The following HTD2 variants were observed in gnomAD, a reference collection of about 807,000 sequenced individuals.
The protein encoded by HTD2 is hydroxyacyl-thioester dehydratase type 2.
A neutral mutation model predicts 3.1 loss-of-function variants in HTD2; 1 was observed. That is an observed-to-expected ratio of 0.32 (90% CI 0.11 to 1.52). HTD2 has a LOEUF of 1.52. Among genes scored for constraint, HTD2 ranks in the 40% most tolerant of loss-of-function variants. The pLI is 0.39. For missense variants in HTD2, 150 were observed against 79.6 expected (o/e 1.88, Z -3.36); for synonymous variants, 50 against 28.9 (o/e 1.73, Z -2.34).
At position 58,311,775 on chromosome 3, in the gene HTD2, A is replaced by C. The variant is rs1433486119; in HGVS notation, c.-331+1184A>C. ...GATGACAGCATGAGCCACTATGCCC[A>C]GCTGCACATGTCTTTTTGAATTGAT... On this transcript the variant is annotated intron_variant, in intron 2 of 4. Coordinates refer to ENST00000461393, the MANE Select transcript of HTD2 (RefSeq NM_001348712.2). 4.6e-5 allele frequency among the ~76,000 whole-genome samples: 7 copies of C among 151,412 alleles called. No individual in the cohort carries two copies. In the East Asian group the frequency reaches 1.4e-3, roughly 29 times the overall value.
intron 4 of HTD2, 109 bp downstream of exon 4, chr3:58,317,102 T>C: frequency 1.3e-6 from 1 of 786,162 alleles, no homozygotes; most frequent in Non-Finnish European, 2.1e-6. Context: ...ATGGTTAAAA[T>C]GATCTAAGTA....
At chr3:58,317,093 T>C (rs1327051275) in intron 4 of HTD2, 100 bp downstream of exon 4, 2 of 841,084 alleles carry the variant, frequency 2.4e-6, no homozygotes, top group Non-Finnish European at 1.9e-6. Flanking sequence ...AAATGTAATA[T>C]GGTTAAAATG....
intron 1 of HTD2, among the ~76,000 whole-genome samples, chr3:58,307,201 G>A (rs2097476240): frequency 6.6e-6 from 1 of 152,164 alleles, no homozygotes; most frequent in African/African-American, 2.4e-5. Context: ...GGTGTAGAGG[G>A]AGCAGTCCTG....
chr3:58,316,626 G>A (rs1338710283), intron 3 of HTD2, 35 bp downstream of exon 3: 1 of 1,566,998 alleles, frequency 6.4e-7, no homozygotes, highest in Non-Finnish European at 8.8e-7. Flanking sequence ...TAGTATAACA[G>A]GGCAGAGAGA....
intron 4 of HTD2, 44 bp from the exon 5 acceptor site, chr3:58,317,396 G>C (rs1473971): frequency 5.2e-6 from 7 of 1,334,186 alleles, no homozygotes; most frequent in East Asian, 2.3e-5. Context: ...CTGTGCTTCA[G>C]TGTGGTTTCT....
chr3:58,312,504 G>A (rs1421538912), intron 2 of HTD2, among the ~76,000 whole-genome samples: 3 of 152,066 alleles, frequency 2.0e-5, no homozygotes, highest in African/African-American at 7.2e-5. Context: ...GATGAATTTT[G>A]TTGGGTTTAT....
chr3:58,306,695 C>G (rs960611562), intron 1 of HTD2, 44 bp downstream of exon 1: 5 of 152,284 alleles, frequency 3.3e-5, no homozygotes, highest in African/African-American at 1.2e-4. Context: ...GAAAGCCACC[C>G]AAGTGCTCAG....
At position 58,314,888 on chromosome 3, in the gene HTD2, T is replaced by C. The variant is rs2097486668; in HGVS notation, c.-330-1627T>C. Among the ~76,000 whole-genome samples, 3 of 152,032 alleles carry C rather than the reference T, an allele frequency of 2.0e-5. No individual in the cohort carries two copies. In the South Asian group the frequency reaches 6.2e-4, roughly 32 times the overall value. ...TTTTAGTGGAGACGGGGTTTCACCA[T>C]GTTGACCAGGATGGTCTCAATCTCT... On this transcript the variant is annotated intron_variant, in intron 2 of 4. Coordinates refer to ENST00000461393, the MANE Select transcript of HTD2 (RefSeq NM_001348712.2).
At position 58,310,143 on chromosome 3, in the gene HTD2, G is replaced by T. The variant is rs1053148234; in HGVS notation, c.-415-364G>T. 1.5e-5 allele frequency: 9 copies of T among 586,672 alleles called. No homozygotes were observed. In the African/African-American group the frequency reaches 1.7e-4, roughly 11 times the overall value. The allele number at this position is 586,672 out of a possible 1,614,324, so 36.3% of individuals were successfully genotyped here. A position where few individuals can be genotyped will look rare whatever the true frequency, so the allele number is the denominator to read the frequency against. ...TGAGCCTCGAGAGCCAGAGGTGGAG[G>T]CTGCAGTGAACTCTGATTGTACCAC... is the stretch of plus-strand genomic sequence containing the variant. On this transcript the variant is annotated intron_variant, in intron 1 of 4. Coordinates refer to ENST00000461393, the MANE Select transcript of HTD2 (RefSeq NM_001348712.2).
rs776531313 is a variant in HTD2, at chr3:58,310,589, G to A, written c.-333G>A. On this transcript the variant is annotated splice_region_variant and 5_prime_UTR_variant, in exon 2 of 5. Coordinates refer to ENST00000461393, the MANE Select transcript of HTD2 (RefSeq NM_001348712.2). ...TTCGGCTGTGAAGGACCTGTTTGGG[G>A]AGGTATGGAATCACTTGGTAGATTG... 66 of 1,611,152 alleles carry A rather than the reference G, an allele frequency of 4.1e-5. No individual in the cohort carries two copies. Among genetic ancestry groups the A allele is most frequent in the Non-Finnish European group, 4.8e-5 (57 of 1,178,784 alleles).
At chr3:58,310,073 G>A (rs753390973) in intron 1 of HTD2, 50 of 472,044 alleles carry the variant, frequency 1.1e-4, no homozygotes, top group Admixed American at 2.5e-4. Context: ...GGTGGCACGT[G>A]CCTATACTCC....
intron 3 of HTD2, 65 bp downstream of exon 3, chr3:58,316,656 C>T: frequency 7.2e-7 from 1 of 1,390,604 alleles, no homozygotes; most frequent in South Asian, 1.2e-5. Context: ...CAAAAATGCT[C>T]TCTTCTGAGA....
Position 58,317,002 on chromosome 3 carries a change from T to C in HTD2, c.-175+9T>C, listed in dbSNP as rs2097489008. 1 of 1,603,320 alleles carries C rather than the reference T, an allele frequency of 6.2e-7. No homozygotes were observed. The highest frequency in any genetic ancestry group is 1.3e-5 in the African/African-American group (1 of 74,670). On this transcript the variant is annotated intron_variant, in intron 4 of 4. Transcript: ENST00000461393. The stretch of plus-strand genomic sequence containing the variant: ...CTTTCCGGGTGATTCAGGTAAAGAC[T>C]ATTCCCTCACATATTCCAAACAAGA...
At chr3:58,316,624 CAG>C (rs1216316417) in intron 3 of HTD2, 33 bp downstream of exon 3, 3 of 1,573,506 alleles carry the variant, frequency 1.9e-6, no homozygotes, top group Admixed American at 1.7e-5. Flanking sequence ...TCTAGTATAA[CAG>C]GGCAGAGAGA....
chr3:58,315,708 CTCT>C, intron 2 of HTD2: 1 of 152,308 alleles, frequency 6.6e-6, no homozygotes, highest in South Asian at 2.1e-4. Context: ...CAGAGTTTCG[CTCT>C]TCTTGCCCAG....
At position 58,316,530 on chromosome 3, in the gene HTD2, C is replaced by T. The variant is rs746497593; in HGVS notation, c.-315C>T. ...CCATATGCAGGTTGATGCCGCCTTACCTTTGGACATCCTAACCTATGAAGA... is the reference window on the plus strand; with the variant it reads ...CCATATGCAGGTTGATGCCGCCTTATCTTTGGACATCCTAACCTATGAAGA... On this transcript the variant is annotated 5_prime_UTR_variant, in exon 3 of 5. Transcript: ENST00000461393. 2.2e-5 allele frequency: 36 copies of T among 1,613,912 alleles called. No homozygotes were observed. The South Asian group carries it at 3.8e-4, about 17-fold the overall frequency.
rs779937825 is a variant in HTD2 at position 58,316,945 on chromosome 3, C to T, written c.-223C>T. ...TTGTCAAATTGTGGAGCTCTTTGAC[C>T]CTGTTAGGATCCTATAAAGGCAAAA... On this transcript the variant is annotated 5_prime_UTR_variant, in exon 4 of 5. Transcript: ENST00000461393. 7.4e-6 allele frequency: 12 copies of T among 1,613,610 alleles called. No individual in the cohort carries two copies. The highest frequency in any genetic ancestry group is 7.6e-6 in the Non-Finnish European group (9 of 1,179,850).
chr3:58,312,954 C>G (rs962248397), intron 2 of HTD2, among the ~76,000 whole-genome samples: 10 of 109,412 alleles, frequency 9.1e-5, no homozygotes, highest in Non-Finnish European at 1.4e-4. Context: ...GAGCAAGACT[C>G]TGTCTCAAAA....
chr3:58,314,608 T>C lies in HTD2; in HGVS notation c.-330-1907T>C, dbSNP rs149426029. 6.1e-3 allele frequency among the ~76,000 whole-genome samples: 915 copies of C among 149,650 alleles called. 1 individual carries two copies. The highest frequency in any genetic ancestry group is 0.011 in the Non-Finnish European group (716 of 67,644). On this transcript the variant is annotated intron_variant, in intron 2 of 4. Coordinates refer to ENST00000461393, the MANE Select transcript of HTD2 (RefSeq NM_001348712.2). Reference sequence around the variant, plus strand: ...AGTGCTAGCAAGAATGCAAAGAAACTAGATCACTCATACACTACAGTGAGT... The same window carrying C: ...AGTGCTAGCAAGAATGCAAAGAAACCAGATCACTCATACACTACAGTGAGT...
Sources: gnomAD v4.1 joint callset for allele counts (sites outside exome capture counted in the v4.1 genomes callset) on GRCh38, gnomAD v4.1.1 for gene constraint, MANE v1.5 for transcripts, NCBI Gene and HGNC (gene_info 2026-07-23, HGNC 2026-07-21) for gene names.